Variants in RASEF observed in about 807,000 individuals in gnomAD.
RASEF encodes the protein RAS and EF-hand domain containing, also known as ras and EF-hand domain-containing protein.
RASEF carries 68 observed loss-of-function variants against 90.1 expected under a neutral mutation model. The ratio of observed to expected loss-of-function variants is 0.75; its 90% confidence interval spans 0.62 to 0.92. The LOEUF is 0.92. Among genes scored for constraint, RASEF ranks in the 40% least tolerant of loss-of-function variants. RASEF has a pLI of 0.00. For synonymous variants in RASEF, 331 were observed against 345.2 expected (o/e 0.96, Z 0.46); for missense variants, 949 against 937.2 (o/e 1.01, Z -0.16).
chr9:83,204,705 C>T, the RASEF span, among the ~76,000 whole-genome samples: 1 of 152,168 alleles, frequency 6.6e-6, no homozygotes, highest in Non-Finnish European at 1.5e-5. Flanking sequence ...ATGCTTGGCA[C>T]ACATGGACTA....
At chr9:83,062,040 T>C (rs533522020) in intron 1 of RASEF, among the ~76,000 whole-genome samples, 2 of 152,328 alleles carry the variant, frequency 1.3e-5, no homozygotes, top group East Asian at 1.9e-4. Flanking sequence ...GGACGCCAAA[T>C]TGGCAAACAG....
the RASEF span, among the ~76,000 whole-genome samples, chr9:83,171,656 A>G: frequency 4.0e-5 from 6 of 151,834 alleles, no homozygotes; most frequent in Non-Finnish European, 5.9e-5. Flanking sequence ...TAATCTTGGT[A>G]AGTTGTATGT....
the RASEF span, among the ~76,000 whole-genome samples, chr9:83,076,976 T>C: frequency 6.6e-6 from 1 of 152,240 alleles, no homozygotes; most frequent in East Asian, 1.9e-4. Flanking sequence ...TTTTTCACTT[T>C]GGAATTTTTA....
the RASEF span, among the ~76,000 whole-genome samples, chr9:83,167,302 C>A: frequency 6.6e-6 from 1 of 150,410 alleles, no homozygotes; most frequent in East Asian, 2.0e-4. Context: ...TGGAGACTGG[C>A]ATTTCCTGCC....
chr9:83,098,955 C>A, the RASEF span, among the ~76,000 whole-genome samples: 3 of 152,098 alleles, frequency 2.0e-5, no homozygotes, highest in African/African-American at 7.2e-5. Flanking sequence ...TGAACACAGA[C>A]CCAGATTTTT....
At chr9:83,181,990 C>T in the RASEF span, among the ~76,000 whole-genome samples, 1 of 152,160 alleles carries the variant, frequency 6.6e-6, no homozygotes, top group Non-Finnish European at 1.5e-5. Flanking sequence ...TTCCAGCATC[C>T]CCTGCTCAGA....
chr9:83,035,561 A>G (rs1480977078), intron 1 of RASEF, among the ~76,000 whole-genome samples: 1 of 152,198 alleles, frequency 6.6e-6, no homozygotes, highest in Non-Finnish European at 1.5e-5. Flanking sequence ...GTGTACATGT[A>G]TATGTAAGAA....
the RASEF span, among the ~76,000 whole-genome samples, chr9:83,076,166 G>GAA: frequency 0.028 from 3,584 of 127,258 alleles, 51 homozygotes; most frequent in Non-Finnish European, 0.044. Flanking sequence ...GACTGTCTCA[G>GAA]AAAAAAAAAA....
Position 82,999,220 on chromosome 9 carries a change from G to T in RASEF, c.1724-774C>A, listed in dbSNP as rs539054251. Among the ~76,000 whole-genome samples the T allele has an allele frequency of 3.3e-5, 5 of 152,132 alleles. No individual in the cohort carries two copies. In the East Asian group the frequency reaches 5.8e-4, roughly 18 times the overall value. ...ACTCCTTTTACTATTATGCAAATTT[G>T]GGAAATCAGGATACTACTTGTTCTA... On this transcript the variant is annotated intron_variant, in intron 12 of 16. Coordinates refer to ENST00000376447, the MANE Select transcript of RASEF (RefSeq NM_152573.4).
intron 4 of RASEF, among the ~76,000 whole-genome samples, chr9:83,013,063 TATAC>T (rs1477136122): frequency 3.9e-5 from 6 of 152,212 alleles, no homozygotes; most frequent in Non-Finnish European, 2.9e-5. Context: ...CTTGATTATA[TATAC>T]CTACATTTAA....
chr9:83,013,632 G>C (rs546002965), intron 4 of RASEF, among the ~76,000 whole-genome samples: 1 of 152,270 alleles, frequency 6.6e-6, no homozygotes, highest in South Asian at 2.1e-4. Flanking sequence ...CAGGAAGTCT[G>C]GAATAAGTGA....
At chr9:83,195,246 G>A in the RASEF span, among the ~76,000 whole-genome samples, 1 of 152,228 alleles carries the variant, frequency 6.6e-6, no homozygotes, top group Non-Finnish European at 1.5e-5. Context: ...CCCATGGGAG[G>A]TAGTGTGAAT....
the RASEF span, among the ~76,000 whole-genome samples, chr9:83,079,309 G>A: frequency 6.6e-6 from 1 of 152,154 alleles, no homozygotes; most frequent in Non-Finnish European, 1.5e-5. Flanking sequence ...TGAATAGGGA[G>A]TCTTTTCCCC....
intron 4 of RASEF, among the ~76,000 whole-genome samples, chr9:83,014,694 A>G (rs911021891): frequency 3.9e-5 from 6 of 152,138 alleles, no homozygotes; most frequent in African/African-American, 1.4e-4. Flanking sequence ...ACAAAAACAG[A>G]TCCAAGAAGT....
chr9:83,030,218 G>C (rs796358486), intron 1 of RASEF, among the ~76,000 whole-genome samples: 25 of 152,070 alleles, frequency 1.6e-4, no homozygotes, highest in African/African-American at 5.3e-4. Flanking sequence ...TTAGCCAGGC[G>C]TGGTGGTGGG....
At chr9:83,076,192 C>T in the RASEF span, among the ~76,000 whole-genome samples, 1 of 151,654 alleles carries the variant, frequency 6.6e-6, no homozygotes, top group Non-Finnish European at 1.5e-5. Flanking sequence ...TCTAAAGCCA[C>T]TCCTATTCCT....
the RASEF span, among the ~76,000 whole-genome samples, chr9:83,123,856 G>T: frequency 9.2e-5 from 14 of 152,150 alleles, no homozygotes; most frequent in Non-Finnish European, 1.2e-4. Flanking sequence ...TGTACAGTTC[G>T]GTGGCATTAA....
upstream of RASEF, among the ~76,000 whole-genome samples, chr9:83,065,024 C>T (rs927201949): frequency 6.6e-5 from 10 of 152,204 alleles, no homozygotes; most frequent in South Asian, 6.2e-4. Context: ...GCCGAGATCG[C>T]GCCACTGCAC....
the RASEF span, among the ~76,000 whole-genome samples, chr9:83,145,753 G>T: frequency 4.0e-5 from 6 of 151,868 alleles, no homozygotes; most frequent in Non-Finnish European, 8.8e-5. Context: ...ATAAAATAAG[G>T]CCACAAGTTA....
Sources: gnomAD v4.1 joint callset for allele counts (sites outside exome capture counted in the v4.1 genomes callset) on GRCh38, gnomAD v4.1.1 for gene constraint, MANE v1.5 for transcripts, NCBI Gene and HGNC (gene_info 2026-07-23, HGNC 2026-07-21) for gene names.